ZMAT4: variants seen among roughly 807,000 people sequenced by gnomAD.
ZMAT4 encodes the protein zinc finger matrin-type protein 4.
ZMAT4 carries 17 observed loss-of-function variants against 28.7 expected under a neutral mutation model. The ratio of observed to expected loss-of-function variants is 0.59; its 90% confidence interval spans 0.41 to 0.89. The LOEUF (loss-of-function observed/expected upper bound fraction) is 0.89, where lower values mean the gene tolerates loss of function less well. Among genes scored for constraint, ZMAT4 ranks in the 40% least tolerant of loss-of-function variants. The pLI is 0.00. For missense variants in ZMAT4, 240 were observed against 283.8 expected (o/e 0.85, Z 1.11); for synonymous variants, 117 against 109.2 (o/e 1.07, Z -0.44).
At chr8:40,716,421 G>A (rs1349783838) in intron 3 of ZMAT4, among the ~76,000 whole-genome samples, 4 of 152,206 alleles carry the variant, frequency 2.6e-5, no homozygotes, top group Non-Finnish European at 5.9e-5. Context: ...GCCAGGCACA[G>A]TGGCTCATGC....
chr8:40,893,377 G>A (rs1396132237), intron 1 of ZMAT4, among the ~76,000 whole-genome samples: 1 of 152,202 alleles, frequency 6.6e-6, no homozygotes, highest in African/African-American at 2.4e-5. Flanking sequence ...ACGTAGTCCT[G>A]ACCTCTGGCT....
chr8:40,748,374 G>A (rs369759330), intron 3 of ZMAT4, among the ~76,000 whole-genome samples: 7 of 152,292 alleles, frequency 4.6e-5, no homozygotes, highest in African/African-American at 9.6e-5. Flanking sequence ...AGAATGACAT[G>A]CTCAAATAGC....
chr8:40,707,518 A>T (rs1585913120), intron 3 of ZMAT4, among the ~76,000 whole-genome samples: 1 of 152,128 alleles, frequency 6.6e-6, no homozygotes, highest in African/African-American at 2.4e-5. Flanking sequence ...AAGATAAAAG[A>T]ATGCATTGTA....
intron 2 of ZMAT4, among the ~76,000 whole-genome samples, chr8:40,790,652 G>A (rs887620937): frequency 6.6e-6 from 1 of 152,066 alleles, no homozygotes. Flanking sequence ...AAAAAATTGA[G>A]AGATATATTA....
At chr8:40,697,070 G>A in intron 4 of ZMAT4, 175 bp downstream of exon 4, 1 of 605,944 alleles carries the variant, frequency 1.7e-6, no homozygotes, top group East Asian at 2.8e-5. Context: ...TGGTATTTAG[G>A]GGTCTTAGGA....
intron 2 of ZMAT4, among the ~76,000 whole-genome samples, chr8:40,787,235 C>T (rs1814124252): frequency 6.6e-6 from 1 of 152,162 alleles, no homozygotes; most frequent in South Asian, 2.1e-4. Flanking sequence ...AGAAAAAGAA[C>T]AGTACGGCAG....
At chr8:40,660,857 A>G (rs1184566636) in intron 5 of ZMAT4, among the ~76,000 whole-genome samples, 1 of 152,184 alleles carries the variant, frequency 6.6e-6, no homozygotes, top group Non-Finnish European at 1.5e-5. Flanking sequence ...ATGCTTTTAT[A>G]TACACAAAAC....
chr8:40,754,152 C>G (rs193285198), intron 3 of ZMAT4, among the ~76,000 whole-genome samples: 32 of 149,120 alleles, frequency 2.1e-4, no homozygotes, highest in African/African-American at 7.9e-4. Context: ...AGCCTGGCAA[C>G]AGAGCAAGAC....
chr8:40,744,628 C>A (rs1038722147), intron 3 of ZMAT4, among the ~76,000 whole-genome samples: 1 of 152,122 alleles, frequency 6.6e-6, no homozygotes, highest in African/African-American at 2.4e-5. Context: ...GAGTTCCTCC[C>A]CATTGAATGA....
At chr8:40,594,078 GC>G (rs1297821664) in intron 5 of ZMAT4, among the ~76,000 whole-genome samples, 2 of 152,090 alleles carry the variant, frequency 1.3e-5, no homozygotes, top group Non-Finnish European at 2.9e-5. Flanking sequence ...ATAGACAGTG[GC>G]CCCCGAGGCA....
At chr8:40,552,919 C>A (rs753602154) in intron 6 of ZMAT4, among the ~76,000 whole-genome samples, 1 of 152,136 alleles carries the variant, frequency 6.6e-6, no homozygotes, top group Non-Finnish European at 1.5e-5. Context: ...ATGTAGTAGC[C>A]ACTTATGCCT....
chr8:40,588,788 T>C (rs970861713), intron 5 of ZMAT4, among the ~76,000 whole-genome samples: 1 of 152,128 alleles, frequency 6.6e-6, no homozygotes, highest in Admixed American at 6.5e-5. Flanking sequence ...CTCCTAGATA[T>C]TTACCTAAAA....
intron 5 of ZMAT4, among the ~76,000 whole-genome samples, chr8:40,614,557 T>A (rs1407837352): frequency 6.6e-6 from 1 of 152,078 alleles, no homozygotes; most frequent in Non-Finnish European, 1.5e-5. Context: ...TGTGTGGGAG[T>A]CTAAGTCTCT....
At chr8:40,585,110 A>G (rs1404498389) in intron 5 of ZMAT4, among the ~76,000 whole-genome samples, 3 of 152,162 alleles carry the variant, frequency 2.0e-5, no homozygotes, top group Admixed American at 1.3e-4. Flanking sequence ...ATAGTAAGCT[A>G]GGTGGGTTGG....
intron 5 of ZMAT4, among the ~76,000 whole-genome samples, chr8:40,610,180 C>T (rs1370625123): frequency 2.0e-5 from 3 of 152,126 alleles, no homozygotes; most frequent in Admixed American, 1.3e-4. Context: ...TTACCAAATC[C>T]GGAATGTGAA....
In ZMAT4 at chr8:40,564,355, G is replaced by C. The variant is rs138834197; in HGVS notation, c.674+16810C>G. Among the ~76,000 whole-genome samples the C allele has an allele frequency of 7.9e-5, 12 of 152,204 alleles. No individual in the cohort carries two copies. The East Asian group carries it at 1.9e-3, about 25-fold the overall frequency. On this transcript the variant is annotated intron_variant, in intron 6 of 6. Coordinates refer to ENST00000297737, the MANE Select transcript of ZMAT4 (RefSeq NM_024645.3). ...GATTGCCCAACCCTGGACCCTAAAA[G>C]GCCAAGATTTTCATTGCTGATGCCA...
chr8:40,879,530 G>A (rs1197342662), intron 1 of ZMAT4, among the ~76,000 whole-genome samples: 1 of 152,178 alleles, frequency 6.6e-6, no homozygotes, highest in Non-Finnish European at 1.5e-5. Context: ...GCCTTCTGAT[G>A]GGCTTCTAGG....
At chr8:40,751,090 G>C (rs1812434743) in intron 3 of ZMAT4, among the ~76,000 whole-genome samples, 1 of 152,156 alleles carries the variant, frequency 6.6e-6, no homozygotes, top group African/African-American at 2.4e-5. Context: ...ATGTCTTCCA[G>C]ATAAGAACTT....
chr8:40,579,529 CA>C (rs1256965493), intron 6 of ZMAT4, among the ~76,000 whole-genome samples: 1 of 152,116 alleles, frequency 6.6e-6, no homozygotes, highest in Non-Finnish European at 1.5e-5. Context: ...CAGAGTAATG[CA>C]AGCCATGGAA....
Sources: gnomAD v4.1 joint callset for allele counts (sites outside exome capture counted in the v4.1 genomes callset) on GRCh38, gnomAD v4.1.1 for gene constraint, MANE v1.5 for transcripts, NCBI Gene and HGNC (gene_info 2026-07-23, HGNC 2026-07-21) for gene names.